The following KANSL2 variants were observed in gnomAD, a reference collection of about 807,000 sequenced individuals.
The protein encoded by KANSL2 is NSL complex protein NSL2.
Under a neutral mutation model 55.6 loss-of-function variants are expected in KANSL2, and 34 were observed. The observed-to-expected ratio is 0.61, with a 90% CI of 0.46 to 0.81. The LOEUF is 0.81. Among genes scored for constraint, KANSL2 ranks in the 40% least tolerant of loss-of-function variants. KANSL2 has a pLI of 0.00. For missense variants in KANSL2, 502 were observed against 609.9 expected (o/e 0.82, Z 1.86); for synonymous variants, 209 against 214.3 (o/e 0.98, Z 0.22).
At chr12:48,661,158 A>T in intron 7 of KANSL2, 1 of 685,432 alleles carries the variant, frequency 1.5e-6, no homozygotes, top group Non-Finnish European at 1.8e-6. Flanking sequence ...AAAAGTCACT[A>T]GGTATCATAT....
At chr12:48,654,876 C>A in intron 9 of KANSL2, 65 bp downstream of exon 9, 1 of 1,525,340 alleles carries the variant, frequency 6.6e-7, no homozygotes, top group South Asian at 1.2e-5. Context: ...TGCTATCTAG[C>A]AGGGAACCCT....
At chr12:48,674,683 C>T (rs1265938707) in intron 4 of KANSL2, among the ~76,000 whole-genome samples, 1 of 152,086 alleles carries the variant, frequency 6.6e-6, no homozygotes, top group African/African-American at 2.4e-5. Context: ...AGGTGTGGTG[C>T]ACAAGGCCAA....
chr12:48,672,606 T>C (rs1029862238), intron 4 of KANSL2, among the ~76,000 whole-genome samples: 1 of 151,374 alleles, frequency 6.6e-6, no homozygotes, highest in Non-Finnish European at 1.5e-5. Flanking sequence ...AATTTTTGTA[T>C]TTTTTGTAGA....
rs1286772431 is a variant in KANSL2 at position 48,681,363 on chromosome 12, T to C, written c.251+19A>G. The C allele has an allele frequency of 1.3e-6, 2 of 1,587,278 alleles. No individual in the cohort carries two copies. The highest frequency in any genetic ancestry group is 1.8e-5 in the Admixed American group (1 of 55,544). The stretch of plus-strand genomic sequence containing the variant: ...CCCTCGCTTTAAGAAAAACGACATA[T>C]ATATCTATACATATATACCCATCTT... On this transcript the variant is annotated intron_variant, in intron 2 of 9. Transcript: ENST00000420613.
At position 48,653,837 on chromosome 12, in the gene KANSL2, T is replaced by C; in HGVS notation, c.*207A>G. 4.4e-6 allele frequency: 2 copies of C among 450,618 alleles called. No individual in the cohort carries two copies. Among genetic ancestry groups the C allele is most frequent in the Non-Finnish European group, 7.7e-6 (2 of 258,298 alleles). 27.9% of individuals were successfully genotyped at this position (450,618 alleles called of 1,614,324 possible). On this transcript the variant is annotated 3_prime_UTR_variant, in exon 10 of 10. Coordinates refer to ENST00000420613, the MANE Select transcript of KANSL2 (RefSeq NM_017822.4). Reference sequence around the variant, plus strand: ...ATAATCCCAGAAGCTTTGATAGGGATTATCTCTCTTTCTCTTCCTTGCCCT... The same window carrying C: ...ATAATCCCAGAAGCTTTGATAGGGACTATCTCTCTTTCTCTTCCTTGCCCT...
rs567836421 is a variant in KANSL2 at position 48,671,828 on chromosome 12, T to C, written c.680A>G (p.His227Arg). Reference protein sequence around the residue: ...LLKEKKRRYLHNRKVEHEALG... With the variant: ...LLKEKKRRYLRNRKVEHEALG... Reference sequence around the variant, plus strand: ...AGCTTCATGTTCCACTTTGCGATTATGTAAGTATCGGCGCTTCTTCTCCTT... The same window carrying C: ...AGCTTCATGTTCCACTTTGCGATTACGTAAGTATCGGCGCTTCTTCTCCTT... The change falls in exon 5 of 10, where the codon CAT (histidine) becomes CGT (arginine). Residue 227 changes from histidine to arginine, a missense_variant. His to Arg is a conservative substitution (Grantham distance 29). Transcript: ENST00000420613. 24 of 1,612,676 alleles carry C rather than the reference T, an allele frequency of 1.5e-5. No homozygotes were observed. Among genetic ancestry groups the C allele is most frequent in the South Asian group, 1.4e-4 (13 of 90,858 alleles).
intron 6 of KANSL2, 71 bp downstream of exon 6, chr12:48,669,035 C>T: frequency 1.6e-6 from 2 of 1,273,828 alleles, no homozygotes; most frequent in Non-Finnish European, 2.1e-6. Flanking sequence ...CAGTGCGAGA[C>T]TCCGTCTCGA....
chr12:48,654,420 G>A (rs552180187), intron 9 of KANSL2: 1 of 733,532 alleles, frequency 1.4e-6, no homozygotes, highest in South Asian at 1.4e-5. Flanking sequence ...TCCCTACTGA[G>A]GTCCCAGAAC....
chr12:48,655,181 TAA>T (rs200583816), intron 8 of KANSL2, 121 bp from the exon 9 acceptor site: 3 of 863,464 alleles, frequency 3.5e-6, no homozygotes, highest in Non-Finnish European at 3.3e-6. Context: ...CTACCTTTAA[TAA>T]AAAAAAAATT....
intron 7 of KANSL2, among the ~76,000 whole-genome samples, chr12:48,665,257 T>G (rs1283523703): frequency 6.6e-6 from 1 of 152,154 alleles, no homozygotes; most frequent in Admixed American, 6.5e-5. Context: ...GTTCTCCTTC[T>G]CCTCTCCCTA....
chr12:48,669,549 GCT>G (rs775600275), intron 5 of KANSL2, among the ~76,000 whole-genome samples: 5 of 150,318 alleles, frequency 3.3e-5, no homozygotes, highest in Admixed American at 1.3e-4. Flanking sequence ...GCACAGTCTC[GCT>G]CTGTTGTCCA....
At chr12:48,656,770 G>C (rs1174340530) in intron 8 of KANSL2, 2 of 515,770 alleles carry the variant, frequency 3.9e-6, no homozygotes, top group Non-Finnish European at 7.7e-6. Context: ...CATTGGTCTT[G>C]ATTCAGGGCC....
At chr12:48,676,766 T>C (rs1421262931) in intron 4 of KANSL2, among the ~76,000 whole-genome samples, 4 of 152,144 alleles carry the variant, frequency 2.6e-5, no homozygotes, top group African/African-American at 7.2e-5. Flanking sequence ...AGGGAAATCA[T>C]ATATATACTA....
At chr12:48,680,743 G>A (rs897118942) in intron 2 of KANSL2, among the ~76,000 whole-genome samples, 17 of 152,078 alleles carry the variant, frequency 1.1e-4, no homozygotes, top group Non-Finnish European at 1.6e-4. Flanking sequence ...CTGGGAGGCC[G>A]AGGCGGATGG....
chr12:48,672,509 T>C (rs115128782), intron 4 of KANSL2, among the ~76,000 whole-genome samples: 1,745 of 148,762 alleles, frequency 0.012, 31 homozygotes, highest in African/African-American at 0.042. Context: ...CAGCTCACTA[T>C]AACCTTTGCT....
chr12:48,664,577 CTTTTTTTTTTTTT>C (rs35805896), intron 7 of KANSL2, among the ~76,000 whole-genome samples: 1 of 62,036 alleles, frequency 1.6e-5, no homozygotes, highest in Non-Finnish European at 3.0e-5. Flanking sequence ...CGCACCTGGC[CTTTTTTTTTTTTT>C]TTTTTTTTTG....
chr12:48,675,284 T>C (rs554229197), intron 4 of KANSL2, among the ~76,000 whole-genome samples: 2 of 151,716 alleles, frequency 1.3e-5, no homozygotes, highest in Non-Finnish European at 2.9e-5. Context: ...CGTGCGCCTG[T>C]AGTCCCAGCT....
chr12:48,653,978 A>G lies in KANSL2; in HGVS notation c.*66T>C. Reference sequence around the variant, plus strand: ...GGTTGCCTGTGTTTTGTGAGAGATGATCAGAAATACTTCTTTGAAGAACGA... The same window carrying G: ...GGTTGCCTGTGTTTTGTGAGAGATGGTCAGAAATACTTCTTTGAAGAACGA... On this transcript the variant is annotated 3_prime_UTR_variant, in exon 10 of 10. Transcript: ENST00000420613. 1 of 1,462,918 alleles carries G rather than the reference A, an allele frequency of 6.8e-7. No individual in the cohort carries two copies. The highest frequency in any genetic ancestry group is 9.1e-7 in the Non-Finnish European group (1 of 1,093,806). The allele number at this position is 1,462,918 out of a possible 1,614,324, so 90.6% of individuals were successfully genotyped here. A position where few individuals can be genotyped will look rare whatever the true frequency, so the allele number is the denominator to read the frequency against.
At chr12:48,677,598 G>A (rs1469431656) in intron 4 of KANSL2, among the ~76,000 whole-genome samples, 4 of 151,918 alleles carry the variant, frequency 2.6e-5, no homozygotes, top group Non-Finnish European at 4.4e-5. Flanking sequence ...TGGCCAACAT[G>A]GTGAAACCCC....
Sources: allele counts gnomAD v4.1 joint callset (sites outside exome capture counted in the v4.1 genomes callset), GRCh38; gene constraint gnomAD v4.1.1; transcripts MANE v1.5; gene names NCBI Gene and HGNC (gene_info 2026-07-23, HGNC 2026-07-21).